The following RPLP2 variants were observed in gnomAD, a reference collection of about 807,000 sequenced individuals.
RPLP2 encodes large ribosomal subunit protein P2.
A neutral mutation model predicts 11.5 loss-of-function variants in RPLP2; 1 was observed. The observed-to-expected ratio is 0.09, with a 90% CI of 0.03 to 0.41. The LOEUF (loss-of-function observed/expected upper bound fraction) is 0.41. RPLP2 is among the 10% of genes least tolerant of loss of function. The probability of loss-of-function intolerance (pLI) is 0.98; values close to 1 mark genes in which losing one functional copy is unlikely to be tolerated. For synonymous variants in RPLP2, 82 were observed against 55.9 expected (o/e 1.47, Z -2.08); for missense variants, 177 against 145.6 (o/e 1.22, Z -1.11).
chr11:810,440 C>T, intron 2 of RPLP2, 83 bp downstream of exon 2: 10 of 1,354,848 alleles, frequency 7.4e-6, no homozygotes, highest in South Asian at 2.6e-5. Flanking sequence ...CGGCCACATG[C>T]TGGAGGGTTC....
Position 812,554 on chromosome 11 carries a change from T to C in RPLP2, c.192T>C (p.Ser64=), listed in dbSNP as rs548640815. The C allele has an allele frequency of 8.1e-6, 13 of 1,609,632 alleles. No individual in the cohort carries two copies. Among genetic ancestry groups the C allele is most frequent in the Admixed American group, 3.3e-5 (2 of 60,020 alleles). Residue 64 remains serine, a synonymous_variant, in exon 4 of 5, where the codon AGT becomes AGC. Transcript: ENST00000321153. ...VIAQGIGKLA[S]VPAGGAVAVS... ...CTGTAGGTATTGGCAAGCTTGCCAG[T>C]GTACCTGCTGGTGGGGCTGTAGCCG...
intron 3 of RPLP2, chr11:812,222 ACT>A: frequency 2.2e-6 from 1 of 445,782 alleles, no homozygotes; most frequent in South Asian, 2.2e-5. Context: ...GGGGCAGCAC[ACT>A]CATTCCCTAC....
chr11:810,899 G>A (rs540353342), intron 2 of RPLP2, among the ~76,000 whole-genome samples: 64 of 125,946 alleles, frequency 5.1e-4, no homozygotes, highest in African/African-American at 1.6e-3. Flanking sequence ...AAAAAAAAAA[G>A]CAGTCCTGGC....
rs1866065902 is a variant in RPLP2, at chr11:811,655, T to C, written c.172+10T>C. The C allele has an allele frequency of 3.7e-6, 6 of 1,614,106 alleles. No homozygotes were observed. Among genetic ancestry groups the C allele is most frequent in the South Asian group, 1.1e-5 (1 of 91,094 alleles). On this transcript the variant is annotated intron_variant, in intron 3 of 4. Transcript: ENST00000321153. ...GACGTCATTGCCCAGGGTGAGTTGA[T>C]GTGGACGGGCTTTCGTTTGTTTTCA...
In RPLP2 at chr11:810,339, C is replaced by T. The variant is rs780975281; in HGVS notation, c.105C>T (p.Asp35=). 2 of 1,607,296 alleles carry T rather than the reference C, an allele frequency of 1.2e-6. No homozygotes were observed. Among genetic ancestry groups the T allele is most frequent in the South Asian group, 1.1e-5 (1 of 90,164 alleles). The change falls in exon 2 of 5, where the codon GAC becomes GAT. Residue 35 remains aspartate (D), a synonymous_variant. Transcript: ENST00000321153. ...TGGACAGCGTGGGTATCGAGGCGGA[C>T]GACGACCGGCTCAACAAGGTAGCGG... The part of the protein sequence containing the change: ...KILDSVGIEA[D]DDRLNKVISE...
intron 3 of RPLP2, chr11:812,319 A>T: frequency 1.6e-6 from 1 of 615,410 alleles, no homozygotes; most frequent in Non-Finnish European, 2.8e-6. Context: ...CCTAATTCCT[A>T]GAAGGCAAGT....
chr11:811,163 G>A (rs1263456496), intron 2 of RPLP2, among the ~76,000 whole-genome samples: 2 of 151,970 alleles, frequency 1.3e-5, no homozygotes, highest in Non-Finnish European at 2.9e-5. Context: ...ACCAGGCCTC[G>A]TCTCTAAAAT....
At chr11:810,844 C>A (rs1325786967) in intron 2 of RPLP2, among the ~76,000 whole-genome samples, 1 of 146,888 alleles carries the variant, frequency 6.8e-6, no homozygotes, top group East Asian at 2.0e-4. Flanking sequence ...GATTAACAAG[C>A]TTTGGAAGTT....
rs754156104 is a variant in RPLP2 at position 810,312 on chromosome 11, C to T, written c.78C>T (p.Ile26=). The T allele has an allele frequency of 6.2e-6, 10 of 1,609,500 alleles. No homozygotes were observed. Among genetic ancestry groups the T allele is most frequent in the African/African-American group, 1.3e-5 (1 of 74,442 alleles). Residue 26 remains isoleucine, a synonymous_variant, in exon 2 of 5, where the codon ATC becomes ATT. Transcript: ENST00000321153. ...CCAGCGCCAAGGACATCAAGAAGAT[C>T]TTGGACAGCGTGGGTATCGAGGCGG... ...SSPSAKDIKK[I]LDSVGIEADD... is the part of the protein sequence containing the mutation.
chr11:811,376 C>G, intron 2 of RPLP2: 5 of 593,428 alleles, frequency 8.4e-6, no homozygotes, highest in East Asian at 2.8e-5. Context: ...GTGAGATGCC[C>G]TGTGTCCTTT....
rs1408159713 is a variant in RPLP2, at chr11:810,805, AAAG to A, written c.123+449_123+451del. Among the ~76,000 whole-genome samples, 322 of 151,736 alleles carry A rather than the reference AAAG, an allele frequency of 2.1e-3. 2 individuals are homozygous for A. Among genetic ancestry groups the A allele is most frequent in the African/African-American group, 7.5e-3 (309 of 41,334 alleles). ...TGTCTCAAAAGGAAAAAAAAAAAAA[AAAG>A]CAGGGTGGGTACGAGGCAAAATCGT... On this transcript the variant is annotated intron_variant, in intron 2 of 4. Transcript: ENST00000321153.
chr11:811,602 C>T lies in RPLP2; in HGVS notation c.129C>T (p.Ile43=), dbSNP rs749091305. 1.7e-5 allele frequency: 27 copies of T among 1,614,082 alleles called. No homozygotes were observed. The highest frequency in any genetic ancestry group is 2.2e-5 in the Non-Finnish European group (26 of 1,180,038). Reference sequence around the variant, plus strand: ...CCTGTGATTGTCTGCTTCAGGTTATCAGTGAGCTGAATGGAAAAAACATTG... The same window carrying T: ...CCTGTGATTGTCTGCTTCAGGTTATTAGTGAGCTGAATGGAAAAAACATTG... ...EADDDRLNKV[I]SELNGKNIED... Residue 43 remains isoleucine (I), a synonymous_variant, in exon 3 of 5, where the codon ATC becomes ATT. Coordinates refer to ENST00000321153, the MANE Select transcript of RPLP2 (RefSeq NM_001004.4).
intron 3 of RPLP2, chr11:811,857 C>T (rs772682128): frequency 2.7e-5 from 21 of 767,758 alleles, no homozygotes; most frequent in Admixed American, 6.8e-5. Context: ...TCTCAGCAGA[C>T]GTTTAGGTGG....
At chr11:810,113 G>GA in intron 1 of RPLP2, 74 bp downstream of exon 1, 3 of 1,203,518 alleles carry the variant, frequency 2.5e-6, no homozygotes, top group Non-Finnish European at 3.3e-6. Context: ...GGGCGGCGGG[G>GA]TATTTTTGGG....
chr11:811,911 C>T, intron 3 of RPLP2: 1 of 694,352 alleles, frequency 1.4e-6, no homozygotes, highest in Non-Finnish European at 2.7e-6. Context: ...GAGGCCATTC[C>T]CCAGGATTTG....
intron 2 of RPLP2, 86 bp from the exon 3 acceptor site, chr11:811,511 C>T: frequency 6.4e-7 from 1 of 1,551,746 alleles, no homozygotes; most frequent in Non-Finnish European, 8.9e-7. Flanking sequence ...ATGTGGGGAA[C>T]CCAGTCCTGC....
Position 809,975 on chromosome 11 carries a change from T to G in RPLP2, c.-66T>G, listed in dbSNP as rs986150220. ...TCTTGCGTCGGCGCCTTCCTTTTCCTCCCTGTCGCCACCGAGGTCGCACGC... is the reference window on the plus strand; with the variant it reads ...TCTTGCGTCGGCGCCTTCCTTTTCCGCCCTGTCGCCACCGAGGTCGCACGC... On this transcript the variant is annotated 5_prime_UTR_variant, in exon 1 of 5. Coordinates refer to ENST00000321153, the MANE Select transcript of RPLP2 (RefSeq NM_001004.4). The G allele has an allele frequency of 2.3e-5, 9 of 385,180 alleles. No individual in the cohort carries two copies. The highest frequency in any genetic ancestry group is 1.9e-4 in the African/African-American group (9 of 47,178). The allele number at this position is 385,180 out of a possible 1,614,324, so 23.9% of individuals were successfully genotyped here. A position where few individuals can be genotyped will look rare whatever the true frequency, so the allele number is the denominator to read the frequency against.
chr11:812,774 G>A lies in RPLP2; in HGVS notation c.286G>A (p.Asp96Asn). 6.2e-7 allele frequency: 1 copy of A among 1,613,988 alleles called. No homozygotes were observed. The highest frequency in any genetic ancestry group is 8.5e-7 in the Non-Finnish European group (1 of 1,179,996). The change falls in exon 5 of 5, where the codon GAT becomes AAT. Residue 96 changes from aspartate to asparagine, a missense_variant. By Grantham distance (23) the Asp-to-Asn change is conservative. Coordinates refer to ENST00000321153, the MANE Select transcript of RPLP2 (RefSeq NM_001004.4). ...SAPAAAEEKK[D>N]EKKEESEESD... ...CTGTTCCACAGCAGAGGAGAAGAAA[G>A]ATGAGAAGAAGGAGGAGTCTGAAGA...
intron 3 of RPLP2, chr11:812,263 C>T (rs1565080382): frequency 1.9e-6 from 1 of 522,176 alleles, no homozygotes; most frequent in East Asian, 3.4e-5. Context: ...GTCCAGTGGA[C>T]CTCTGAGGGT....
Sources: gnomAD v4.1 joint callset for allele counts (sites outside exome capture counted in the v4.1 genomes callset) on GRCh38, gnomAD v4.1.1 for gene constraint, MANE v1.5 for transcripts, NCBI Gene and HGNC (gene_info 2026-07-23, HGNC 2026-07-21) for gene names.